Variants in KCNJ10 observed in about 807,000 individuals in gnomAD.
KCNJ10 encodes ATP-sensitive inward rectifier potassium channel 10.
Under a neutral mutation model 22.2 loss-of-function variants are expected in KCNJ10, and 9 were observed. The observed-to-expected ratio is 0.40, with a 90% CI of 0.24 to 0.71. The LOEUF is 0.71. Ranked by LOEUF, KCNJ10 falls within the 30% of genes least tolerant of loss-of-function variation. The probability of loss-of-function intolerance (pLI) is 0.35; values close to 1 mark genes in which losing one functional copy is unlikely to be tolerated. For synonymous variants in KCNJ10, 184 were observed against 187.3 expected, an observed-to-expected ratio of 0.98 and a Z score of 0.15; for missense variants, 337 against 482.7, an observed-to-expected ratio of 0.70 and a Z score of 2.83.
chr1:160,058,903 T>G (rs913927389), intron 1 of KCNJ10, among the ~76,000 whole-genome samples: 1 of 152,198 alleles, frequency 6.6e-6, no homozygotes, highest in African/African-American at 2.4e-5. Flanking sequence ...CTACTCCTCC[T>G]TCAGGCTTCA....
At chr1:160,051,712 G>A (rs1188444815) in intron 1 of KCNJ10, among the ~76,000 whole-genome samples, 3 of 152,028 alleles carry the variant, frequency 2.0e-5, no homozygotes, top group African/African-American at 7.2e-5. Context: ...CTTCATGGCT[G>A]CTTGATCCCA....
rs538239549 is a variant in KCNJ10 at position 160,061,425 on chromosome 1, T to G, written c.-1+8597A>C. 7.2e-5 allele frequency among the ~76,000 whole-genome samples: 11 copies of G among 151,966 alleles called. No individual in the cohort carries two copies. The East Asian group carries it at 2.1e-3, about 30-fold the overall frequency. ...CTGGACCTGTGCCAGCGAGGCCAGG[T>G]GGGGCTTTAGTTATTCACATAGAGC... On this transcript the variant is annotated intron_variant, in intron 1 of 1. Transcript: ENST00000644903.
At chr1:160,064,628 T>C (rs1280062865) in intron 1 of KCNJ10, 1 of 152,236 alleles carries the variant, frequency 6.6e-6, no homozygotes, top group Non-Finnish European at 1.5e-5. Flanking sequence ...CAGTAACTTT[T>C]TAGAATGTAA....
At chr1:160,049,402 A>G (rs1648823556) in intron 1 of KCNJ10, among the ~76,000 whole-genome samples, 1 of 151,794 alleles carries the variant, frequency 6.6e-6, no homozygotes, top group African/African-American at 2.4e-5. Flanking sequence ...TCTGCCTTCC[A>G]TGATCCTGCA....
intron 1 of KCNJ10, among the ~76,000 whole-genome samples, chr1:160,053,986 T>A (rs1188399456): frequency 6.6e-6 from 1 of 152,156 alleles, no homozygotes; most frequent in South Asian, 2.1e-4. Context: ...CTAGGACCAC[T>A]GCCCCTTCCT....
chr1:160,041,687 G>T lies in KCNJ10; in HGVS notation c.846C>A (p.Ile282=), dbSNP rs779766352. Residue 282 remains isoleucine (I), a synonymous_variant, in exon 2 of 2, where the codon ATC becomes ATA. Coordinates refer to ENST00000644903, the MANE Select transcript of KCNJ10 (RefSeq NM_002241.5). The surrounding 1 kb of genome is among the most constrained non-coding windows in gnomAD (Gnocchi z 4.4). ...SGEGDFELVL[I]LSGTVESTSA... ...TGGTGGACTCCACTGTCCCACTTAGGATCAGCACCAGCTCAAAGTCACCCT... is the reference window on the plus strand; with the variant it reads ...TGGTGGACTCCACTGTCCCACTTAGTATCAGCACCAGCTCAAAGTCACCCT... 4.3e-6 allele frequency: 7 copies of T among 1,614,188 alleles called. No homozygotes were observed. The South Asian group carries it at 7.7e-5, about 18-fold the overall frequency.
chr1:160,050,579 A>G (rs1648878598), intron 1 of KCNJ10, among the ~76,000 whole-genome samples: 1 of 152,202 alleles, frequency 6.6e-6, no homozygotes, highest in Non-Finnish European at 1.5e-5. Flanking sequence ...GCAGGAAGTG[A>G]TAAGTGCCAT....
chr1:160,042,363 G>C lies in KCNJ10; in HGVS notation c.170C>G (p.Thr57Arg). The C allele has an allele frequency of 1.2e-6, 2 of 1,613,720 alleles. No individual in the cohort carries two copies. The highest frequency in any genetic ancestry group is 1.7e-6 in the Non-Finnish European group (2 of 1,179,626). The change falls in exon 2 of 2, where the codon ACA becomes AGA. Residue 57 changes from threonine (T) to arginine (R), a missense_variant. Physicochemically the swap from Thr to Arg is moderately conservative, Grantham distance 71 (BLOSUM62 -1). Around this residue, in one of 3 missense-constraint regions of KCNJ10, gnomAD observed 107 missense variants for 135.2 expected, o/e 0.79. Transcript: ENST00000644903. ...KRFLYLKDLW[T>R]TFIDMQWRYK... ...GCGCCACTGCATGTCAATGAAGGTT[G>C]TCCACAGGTCCTTGAGGTAGAGGAA... is the stretch of plus-strand genomic sequence containing the variant.
chr1:160,049,713 A>ATT (rs1212801315), intron 1 of KCNJ10, among the ~76,000 whole-genome samples: 37 of 120,828 alleles, frequency 3.1e-4, no homozygotes, highest in Admixed American at 4.4e-4. Flanking sequence ...ATATATATAT[A>ATT]TATATATGTT....
At chr1:160,069,523 G>A (rs1022672196) in intron 1 of KCNJ10, among the ~76,000 whole-genome samples, 1 of 152,106 alleles carries the variant, frequency 6.6e-6, no homozygotes, top group Non-Finnish European at 1.5e-5. Context: ...GGCTTTGGTG[G>A]CTCCCCGGTT....
Position 160,042,025 on chromosome 1 carries a change from C to A in KCNJ10, c.508G>T (p.Ala170Ser). The A allele has an allele frequency of 5.1e-6, 8 of 1,561,808 alleles. No individual in the cohort carries two copies. Among genetic ancestry groups the A allele is most frequent in the Non-Finnish European group, 6.9e-6 (8 of 1,152,882 alleles). ...FITGTFLAKI[A>S]RPKKRAETIR... is the part of the protein sequence containing the mutation. ...GTCTCAGCCCGCTTCTTGGGCCGGG[C>A]AATCTTCGCCAGGAAGGTACCTGTG... Residue 170 changes from alanine (A) to serine (S), a missense_variant, in exon 2 of 2, where the codon GCC becomes TCC. Ala to Ser is a moderately conservative substitution (Grantham distance 99). Transcript: ENST00000644903.
At chr1:160,067,912 C>G (rs143471665) in intron 1 of KCNJ10, 2 of 152,112 alleles carry the variant, frequency 1.3e-5, no homozygotes, top group Admixed American at 6.5e-5. Flanking sequence ...CTGAGCCCAC[C>G]GTGATCCAAG....
In KCNJ10 at chr1:160,042,523, C is replaced by A; in HGVS notation, c.10G>T (p.Val4Phe). 6.2e-7 allele frequency: 1 copy of A among 1,614,040 alleles called. No homozygotes were observed. Among genetic ancestry groups the A allele is most frequent in the Non-Finnish European group, 8.5e-7 (1 of 1,180,026 alleles). Residue 4 changes from valine (V) to phenylalanine (F), a missense_variant, in exon 2 of 2, where the codon GTT becomes TTT. Transcript: ENST00000644903. MTSVAKVYYSQTTQ... is the reference protein window; with the variant it reads MTSFAKVYYSQTTQ... ...GTCTGACTGTAATACACCTTGGCAA[C>A]TGACGTCATCTGGAGGGAGCAAGAC... is the stretch of plus-strand genomic sequence containing the variant.
intron 1 of KCNJ10, among the ~76,000 whole-genome samples, chr1:160,052,666 C>T (rs1266497610): frequency 1.3e-5 from 2 of 152,218 alleles, no homozygotes; most frequent in African/African-American, 4.8e-5. Context: ...GACAGCACTG[C>T]TTGGTGGAAC....
At chr1:160,067,130 G>A (rs1649338291) in intron 1 of KCNJ10, among the ~76,000 whole-genome samples, 1 of 152,110 alleles carries the variant, frequency 6.6e-6, no homozygotes, top group African/African-American at 2.4e-5. Context: ...ATGCCACAAA[G>A]TTCTGTTCTT....
intron 1 of KCNJ10, among the ~76,000 whole-genome samples, chr1:160,065,882 G>T (rs552345131): frequency 6.6e-6 from 1 of 152,198 alleles, no homozygotes; most frequent in East Asian, 1.9e-4. Context: ...AGGAGAGAGG[G>T]GGCTGGAGTC....
At chr1:160,051,174 A>G (rs1309501934) in intron 1 of KCNJ10, among the ~76,000 whole-genome samples, 1 of 151,904 alleles carries the variant, frequency 6.6e-6, no homozygotes, top group African/African-American at 2.4e-5. Context: ...CACCTGCCTC[A>G]GCCTCCCAAA....
intron 1 of KCNJ10, among the ~76,000 whole-genome samples, chr1:160,059,102 C>T (rs908324776): frequency 1.3e-5 from 2 of 152,172 alleles, no homozygotes; most frequent in Admixed American, 1.3e-4. Flanking sequence ...GCATTGCCCT[C>T]AGATGAACGG....
chr1:160,055,433 C>T (rs80013813), intron 1 of KCNJ10, among the ~76,000 whole-genome samples: 3,055 of 152,198 alleles, frequency 0.02, 103 homozygotes, highest in African/African-American at 0.069. Context: ...GATGACTGAC[C>T]GGTCTGTTCT....
Sources: allele counts gnomAD v4.1 joint callset (sites outside exome capture counted in the v4.1 genomes callset), GRCh38; gene constraint gnomAD v4.1.1; regional missense constraint gnomAD v4.1.1; non-coding constraint Gnocchi (gnomAD v3.1); transcripts MANE v1.5; gene names NCBI Gene and HGNC (gene_info 2026-07-23, HGNC 2026-07-21).